TECTA: variants seen among roughly 807,000 people sequenced by gnomAD.
The protein encoded by TECTA is alpha-tectorin.
Under a neutral mutation model 216.8 loss-of-function variants are expected in TECTA, and 128 were observed. The observed-to-expected ratio is 0.59, with a 90% CI of 0.51 to 0.68. The LOEUF (loss-of-function observed/expected upper bound fraction) is 0.68, where lower values mean the gene tolerates loss of function less well. Among genes scored for constraint, TECTA ranks in the 30% least tolerant of loss-of-function variants. TECTA has a pLI of 0.00. For synonymous variants in TECTA, 1,089 were observed against 1,117.1 expected, an observed-to-expected ratio of 0.97 and a Z score of 0.50; for missense variants, 2,551 against 2,786.2, an observed-to-expected ratio of 0.92 and a Z score of 1.90.
At chr11:121,111,867 C>T (rs1946445393) in intron 4 of TECTA, among the ~76,000 whole-genome samples, 3 of 152,174 alleles carry the variant, frequency 2.0e-5, no homozygotes, top group Non-Finnish European at 1.5e-5. Context: ...ACGCCATCAG[C>T]CGTGGCCAGC....
intron 3 of TECTA, 131 bp from the exon 4 acceptor site, chr11:121,109,080 T>C: frequency 1.0e-6 from 1 of 959,366 alleles, no homozygotes; most frequent in South Asian, 1.5e-5. Flanking sequence ...AACCCGGTGT[T>C]TGGGGGTTCT....
intron 20 of TECTA, among the ~76,000 whole-genome samples, chr11:121,170,295 A>C (rs948123908): frequency 6.6e-6 from 1 of 152,206 alleles, no homozygotes; most frequent in African/African-American, 2.4e-5. Flanking sequence ...GGCTATTGTG[A>C]ATAGTGCTGC....
At chr11:121,106,974 C>G (rs1213801631) in intron 3 of TECTA, among the ~76,000 whole-genome samples, 4 of 152,164 alleles carry the variant, frequency 2.6e-5, no homozygotes, top group Non-Finnish European at 5.9e-5. Flanking sequence ...CTGATGCCCA[C>G]AAAAGTTTGA....
rs559874132 is a variant in TECTA at position 121,187,907 on chromosome 11, C to A, written c.6075C>A (p.Thr2025=). ...CCCTGACCTGTCGCTTTCACGTCAC[C>A]GTCTTTAAATTCATAGGGGATTACG... ...AVSLTCRFHV[T]VFKFIGDYDE... is the part of the protein sequence containing the mutation. Residue 2025 remains threonine (T), a synonymous_variant, in exon 21 of 24, where the codon ACC becomes ACA. Coordinates refer to ENST00000392793, the MANE Select transcript of TECTA (RefSeq NM_005422.4). The A allele has an allele frequency of 4.3e-6, 7 of 1,614,102 alleles. No homozygotes were observed. The highest frequency in any genetic ancestry group is 1.1e-5 in the South Asian group (1 of 91,078).
intron 11 of TECTA, among the ~76,000 whole-genome samples, chr11:121,142,150 T>G (rs1044599031): frequency 1.3e-5 from 2 of 152,172 alleles, no homozygotes; most frequent in Non-Finnish European, 2.9e-5. Flanking sequence ...GCTGGAGAAC[T>G]AGGTCAAGGT....
chr11:121,189,733 G>A (rs770187157), intron 22 of TECTA, 31 bp from the exon 23 acceptor site: 2 of 1,590,146 alleles, frequency 1.3e-6, no homozygotes, highest in Non-Finnish European at 1.7e-6. Flanking sequence ...TGAACTGTCT[G>A]TAGTTAATCT....
intron 9 of TECTA, 97 bp from the exon 10 acceptor site, chr11:121,129,541 C>A: frequency 7.8e-7 from 1 of 1,279,746 alleles, no homozygotes; most frequent in Admixed American, 1.7e-5. Context: ...TCTCAAAAGG[C>A]TAGCAATAGG....
chr11:121,182,307 G>A (rs1947238051), intron 20 of TECTA, among the ~76,000 whole-genome samples: 3 of 151,958 alleles, frequency 2.0e-5, no homozygotes, highest in Admixed American at 2.0e-4. Flanking sequence ...TCAGGCCCCA[G>A]AGCTTCACAT....
chr11:121,102,320 C>T (rs1037840621), intron 1 of TECTA, among the ~76,000 whole-genome samples: 8 of 152,280 alleles, frequency 5.3e-5, no homozygotes, highest in African/African-American at 1.7e-4. Flanking sequence ...GCATCTTTAG[C>T]GTTGGGTCCT....
At position 121,127,457 on chromosome 11, in the gene TECTA, T is replaced by C. The variant is rs558661033; in HGVS notation, c.1775-295T>C. ...CTCGGTAGTGTGGATCATCAAATAA[T>C]AAACCTATATTGGGTAATCAGTAGT... On this transcript the variant is annotated intron_variant, in intron 8 of 23. Transcript: ENST00000392793. This position sits in a 1 kb window ranked among gnomAD's most constrained non-coding sequence, Gnocchi z 5.0. Among the ~76,000 whole-genome samples the C allele has an allele frequency of 9.9e-5, 15 of 152,240 alleles. No individual in the cohort carries two copies. The highest frequency in any genetic ancestry group is 2.6e-4 in the Admixed American group (4 of 15,302).
intron 17 of TECTA, 70 bp downstream of exon 17, chr11:121,165,453 G>C: frequency 7.8e-7 from 1 of 1,275,072 alleles, no homozygotes; most frequent in African/African-American, 1.5e-5. Context: ...GAACGACCTT[G>C]ATGCATCCCA....
At chr11:121,171,611 ATTT>A (rs1947113042) in intron 20 of TECTA, among the ~76,000 whole-genome samples, 1 of 151,744 alleles carries the variant, frequency 6.6e-6, no homozygotes, top group South Asian at 2.1e-4. Context: ...GCGTTTTGTA[ATTT>A]TCCTTGTAGA....
chr11:121,172,270 G>A (rs1017670288), intron 20 of TECTA, among the ~76,000 whole-genome samples: 2 of 151,930 alleles, frequency 1.3e-5, no homozygotes, highest in Non-Finnish European at 2.9e-5. Flanking sequence ...CATGTGCCAT[G>A]CTGGTGTGCT....
intron 4 of TECTA, chr11:121,110,802 T>A (rs1192283697): frequency 1.3e-5 from 2 of 152,250 alleles, no homozygotes; most frequent in African/African-American, 4.8e-5. Flanking sequence ...GGCAAGATAA[T>A]TTAGATACTT....
At chr11:121,181,341 G>GT (rs1231070806) in intron 20 of TECTA, among the ~76,000 whole-genome samples, 1 of 151,444 alleles carries the variant, frequency 6.6e-6, no homozygotes, top group East Asian at 1.9e-4. Context: ...TCTTTGTATT[G>GT]TTTATTTGTG....
chr11:121,163,594 T>TATA (rs774912010), intron 16 of TECTA, among the ~76,000 whole-genome samples: 49 of 152,232 alleles, frequency 3.2e-4, no homozygotes, highest in Non-Finnish European at 5.1e-4. Flanking sequence ...AAACTTAAAG[T>TATA]ATAATAATAA....
intron 10 of TECTA, among the ~76,000 whole-genome samples, chr11:121,131,366 G>A (rs977784013): frequency 2.6e-5 from 4 of 152,034 alleles, no homozygotes; most frequent in African/African-American, 7.2e-5. Flanking sequence ...TCAGATTCCC[G>A]AATCGTTAAC....
At chr11:121,148,895 C>G (rs1460593946) in intron 12 of TECTA, among the ~76,000 whole-genome samples, 1 of 152,212 alleles carries the variant, frequency 6.6e-6, no homozygotes, top group Non-Finnish European at 1.5e-5. Flanking sequence ...AATTACTAGC[C>G]TCTCCTTAAA....
At chr11:121,154,208 A>G (rs1946919930) in intron 13 of TECTA, among the ~76,000 whole-genome samples, 1 of 152,198 alleles carries the variant, frequency 6.6e-6, no homozygotes, top group Non-Finnish European at 1.5e-5. Context: ...AAAAATAAAT[A>G]ATATCTCCTT....
Sources: gnomAD v4.1 joint callset for allele counts (sites outside exome capture counted in the v4.1 genomes callset) on GRCh38, gnomAD v4.1.1 for gene constraint, Gnocchi (gnomAD v3.1) non-coding constraint, MANE v1.5 for transcripts, NCBI Gene and HGNC (gene_info 2026-07-23, HGNC 2026-07-21) for gene names.